Variants in CPED1 observed in about 807,000 individuals in gnomAD.
CPED1 encodes the protein cadherin-like and PC-esterase domain-containing protein 1.
In CPED1, 114 loss-of-function variants were observed where a neutral mutation model predicts 128.2. The observed-to-expected ratio is 0.89, with a 90% CI of 0.76 to 1.04. CPED1 has a LOEUF of 1.04. Among genes scored for constraint, CPED1 ranks in the 50% least tolerant of loss-of-function variants. The pLI is 0.00. For missense variants in CPED1, 1,211 were observed against 1,207.1 expected, an observed-to-expected ratio of 1.00 and a Z score of -0.05; for synonymous variants, 462 against 426.7, an observed-to-expected ratio of 1.08 and a Z score of -1.02.
rs760995327 is a variant in CPED1, at chr7:121,100,051, G to A, written c.875G>A (p.Gly292Asp). ...TTGCGTGCATTCATTCATTCGACGG[G>A]CACAGTTTGGAATCCACCAAAGAAA... ...TPLRAFIHST[G>D]TVWNPPKKKR... is the part of the protein sequence containing the mutation. The change falls in exon 7 of 23, where the codon GGC becomes GAC. Residue 292 changes from glycine to aspartate, a missense_variant. Physicochemically the swap from Gly to Asp is moderately conservative, Grantham distance 94. Coordinates refer to ENST00000310396, the MANE Select transcript of CPED1 (RefSeq NM_024913.5). 4 of 1,613,402 alleles carry A rather than the reference G, an allele frequency of 2.5e-6. No individual in the cohort carries two copies. The highest frequency in any genetic ancestry group is 1.7e-4 in the Middle Eastern group (1 of 6,052).
chr7:121,169,804 T>G (rs1165912039), intron 16 of CPED1, among the ~76,000 whole-genome samples: 1 of 152,236 alleles, frequency 6.6e-6, no homozygotes, highest in Non-Finnish European at 1.5e-5. Context: ...CTCCAGGGAC[T>G]GATAAAATAA....
rs1290444014 is a variant in CPED1, at chr7:120,998,501, T to G, written c.249+8631T>G. 6.6e-5 allele frequency among the ~76,000 whole-genome samples: 10 copies of G among 152,216 alleles called. No homozygotes were observed. In the East Asian group the frequency reaches 1.9e-3, roughly 29 times the overall value. ...GCAGATAGAAAGCACTCAATAAATATTAACTATGAAAATAATTATTATTTA... is the reference window on the plus strand; with the variant it reads ...GCAGATAGAAAGCACTCAATAAATAGTAACTATGAAAATAATTATTATTTA... On this transcript the variant is annotated intron_variant, in intron 2 of 22. Transcript: ENST00000310396.
chr7:121,080,837 G>A (rs548145855), intron 5 of CPED1, among the ~76,000 whole-genome samples: 1 of 152,168 alleles, frequency 6.6e-6, no homozygotes, highest in South Asian at 2.1e-4. Context: ...TCCTTCTGGT[G>A]GTAGAGACAG....
intron 16 of CPED1, among the ~76,000 whole-genome samples, chr7:121,164,427 C>T (rs1471776545): frequency 6.6e-6 from 1 of 152,192 alleles, no homozygotes; most frequent in African/African-American, 2.4e-5. Flanking sequence ...CCTCTCTTGT[C>T]ACTGCTTTTC....
intron 22 of CPED1, among the ~76,000 whole-genome samples, chr7:121,276,227 TC>T (rs1489560134): frequency 6.6e-6 from 1 of 152,112 alleles, no homozygotes; most frequent in Non-Finnish European, 1.5e-5. Flanking sequence ...TTTCCTCCCC[TC>T]TGGTATTCCC....
chr7:121,074,991 TG>T (rs2116106861), intron 5 of CPED1, among the ~76,000 whole-genome samples: 1 of 152,264 alleles, frequency 6.6e-6, no homozygotes, highest in African/African-American at 2.4e-5. Flanking sequence ...TTTAAAATGG[TG>T]GGCAACTGCA....
Position 121,232,159 on chromosome 7 carries a change from A to C in CPED1, c.2056-4555A>C, listed in dbSNP as rs77043346. 4.8e-3 allele frequency among the ~76,000 whole-genome samples: 736 copies of C among 152,276 alleles called. 9 individuals are homozygous for C. The highest frequency in any genetic ancestry group is 0.017 in the African/African-American group (708 of 41,580). On this transcript the variant is annotated intron_variant, in intron 16 of 22. Coordinates refer to ENST00000310396, the MANE Select transcript of CPED1 (RefSeq NM_024913.5). ...GGCAGCCTTCCCTGGAGATGGCTAC[A>C]GAGAAAGAGGGCAAGTTGTCTTTTC... is the stretch of plus-strand genomic sequence containing the variant.
chr7:121,047,646 TTTCTTCTTC>T (rs201842531), intron 4 of CPED1, among the ~76,000 whole-genome samples: 2,164 of 123,002 alleles, frequency 0.018, 59 homozygotes, highest in Middle Eastern at 0.028. Context: ...AGATAGCACC[TTTCTTCTTC>T]TTCTTCTTCT....
intron 2 of CPED1, among the ~76,000 whole-genome samples, chr7:121,004,025 G>A (rs1791938658): frequency 6.6e-6 from 1 of 152,136 alleles, no homozygotes; most frequent in Non-Finnish European, 1.5e-5. Context: ...ATAGGATAAG[G>A]CAACGTTTCT....
intron 15 of CPED1, 34 bp downstream of exon 15, chr7:121,141,047 CTA>C: frequency 6.4e-7 from 1 of 1,552,232 alleles, no homozygotes. Flanking sequence ...TGTTGAGACA[CTA>C]TACTGGGAAG....
At chr7:121,181,880 A>G (rs1231719678) in intron 16 of CPED1, among the ~76,000 whole-genome samples, 1 of 152,154 alleles carries the variant, frequency 6.6e-6, no homozygotes, top group Non-Finnish European at 1.5e-5. Context: ...GGAATATTAG[A>G]TGCATATTAA....
intron 13 of CPED1, among the ~76,000 whole-genome samples, chr7:121,135,081 C>T (rs1795756459): frequency 6.6e-6 from 1 of 151,914 alleles, no homozygotes; most frequent in Non-Finnish European, 1.5e-5. Context: ...TCTTTATGAT[C>T]TATTGTTAAA....
intron 7 of CPED1, among the ~76,000 whole-genome samples, chr7:121,120,120 A>C (rs1795350286): frequency 6.6e-6 from 1 of 152,160 alleles, no homozygotes; most frequent in African/African-American, 2.4e-5. Context: ...TGGGTGTGTA[A>C]ATATGTCTTT....
intron 16 of CPED1, among the ~76,000 whole-genome samples, chr7:121,197,247 A>G (rs1168030614): frequency 6.6e-6 from 1 of 151,416 alleles, no homozygotes; most frequent in South Asian, 2.1e-4. Flanking sequence ...GTATTACTTT[A>G]TGCTCATTTA....
intron 22 of CPED1, among the ~76,000 whole-genome samples, chr7:121,273,441 G>A (rs946200599): frequency 1.3e-5 from 2 of 151,856 alleles, no homozygotes; most frequent in African/African-American, 4.8e-5. Context: ...AGAATCACTT[G>A]AACCTGGGAA....
chr7:121,110,107 G>T (rs1446428964), intron 7 of CPED1, among the ~76,000 whole-genome samples: 1 of 152,152 alleles, frequency 6.6e-6, no homozygotes. Context: ...CAAACTCTAT[G>T]ACCTTAGACA....
At chr7:121,133,773 G>T (rs78495161) in intron 12 of CPED1, 50 bp from the exon 13 acceptor site, 1 of 1,209,314 alleles carries the variant, frequency 8.3e-7, no homozygotes, top group Non-Finnish European at 1.2e-6. Context: ...TAATTTCCAC[G>T]CGTTTTGTTC....
intron 5 of CPED1, among the ~76,000 whole-genome samples, chr7:121,069,875 G>A (rs780709264): frequency 6.6e-6 from 1 of 151,944 alleles, no homozygotes; most frequent in Non-Finnish European, 1.5e-5. Flanking sequence ...GTACAGCATC[G>A]CCATCTAAAA....
chr7:121,132,312 A>G (rs1375643250), intron 12 of CPED1, among the ~76,000 whole-genome samples: 1 of 152,078 alleles, frequency 6.6e-6, no homozygotes, highest in African/African-American at 2.4e-5. Flanking sequence ...GCTTTGGTCC[A>G]GGGCTCATTG....
Sources: gnomAD v4.1 joint callset for allele counts (sites outside exome capture counted in the v4.1 genomes callset) on GRCh38, gnomAD v4.1.1 for gene constraint, MANE v1.5 for transcripts, NCBI Gene and HGNC (gene_info 2026-07-23, HGNC 2026-07-21) for gene names.